Variants in TENM4 observed in about 807,000 individuals in gnomAD.
TENM4 encodes the protein teneurin-4.
A neutral mutation model predicts 243.3 loss-of-function variants in TENM4; 82 were observed. The observed-to-expected ratio is 0.34, with a 90% CI of 0.28 to 0.40. TENM4 has a LOEUF of 0.40. Among genes scored for constraint, TENM4 ranks in the 10% least tolerant of loss-of-function variants. TENM4 has a pLI of 1.00. For synonymous variants in TENM4, 1,412 were observed against 1,456.3 expected (o/e 0.97, Z 0.69); for missense variants, 3,138 against 3,673.3 (o/e 0.85, Z 3.77).
At chr11:78,933,033 T>C (rs1203888375) in intron 6 of TENM4, among the ~76,000 whole-genome samples, 1 of 152,152 alleles carries the variant, frequency 6.6e-6, no homozygotes, top group Non-Finnish European at 1.5e-5. Context: ...GGGAGATTGA[T>C]GTACCCTGGA....
At chr11:79,067,112 G>C (rs962626735) in intron 5 of TENM4, among the ~76,000 whole-genome samples, 1 of 152,172 alleles carries the variant, frequency 6.6e-6, no homozygotes, top group Non-Finnish European at 1.5e-5. Context: ...TAAACAAAGG[G>C]TTAATGTCCG....
At chr11:79,304,803 G>A (rs1442997129) in intron 1 of TENM4, among the ~76,000 whole-genome samples, 1 of 152,162 alleles carries the variant, frequency 6.6e-6, no homozygotes, top group African/African-American at 2.4e-5. Context: ...CGCTGCAGGT[G>A]CTCCCCAGCT....
intron 1 of TENM4, among the ~76,000 whole-genome samples, chr11:79,391,722 T>C (rs995461732): frequency 6.6e-6 from 1 of 152,222 alleles, no homozygotes; most frequent in South Asian, 2.1e-4. Flanking sequence ...TGGCTTTGAT[T>C]ATGGAGCACA....
intron 6 of TENM4, among the ~76,000 whole-genome samples, chr11:78,969,744 AC>A (rs1857503749): frequency 6.6e-6 from 1 of 152,176 alleles, no homozygotes; most frequent in Non-Finnish European, 1.5e-5. Flanking sequence ...CAGGGAAGGC[AC>A]TTTTTTCCCT....
intron 6 of TENM4, among the ~76,000 whole-genome samples, chr11:78,906,299 A>G (rs1360230763): frequency 6.6e-6 from 1 of 152,212 alleles, no homozygotes; most frequent in Non-Finnish European, 1.5e-5. Flanking sequence ...CATAAACACA[A>G]AAGCCAAATT....
intron 6 of TENM4, among the ~76,000 whole-genome samples, chr11:79,023,508 G>A (rs1390843987): frequency 1.3e-5 from 2 of 149,192 alleles, no homozygotes; most frequent in Admixed American, 6.7e-5. Context: ...GTTGTGGTGA[G>A]CCAAGATCAT....
At chr11:79,131,363 G>C (rs140891329) in intron 4 of TENM4, among the ~76,000 whole-genome samples, 1 of 152,144 alleles carries the variant, frequency 6.6e-6, no homozygotes, top group Non-Finnish European at 1.5e-5. Context: ...GAAGGGACTG[G>C]GGCTCTATCT....
At chr11:78,852,237 AT>A (rs1410276033) in intron 12 of TENM4, among the ~76,000 whole-genome samples, 1 of 152,182 alleles carries the variant, frequency 6.6e-6, no homozygotes, top group East Asian at 1.9e-4. Flanking sequence ...CACCTCCTTC[AT>A]TTTGCCAAGA....
intron 2 of TENM4, among the ~76,000 whole-genome samples, chr11:79,270,753 G>A (rs980307310): frequency 1.3e-5 from 2 of 152,162 alleles, no homozygotes; most frequent in African/African-American, 4.8e-5. Flanking sequence ...AGCCCACCAT[G>A]ACTCCTCCCA....
chr11:78,860,399 C>G (rs973216900), intron 10 of TENM4, among the ~76,000 whole-genome samples: 2 of 152,196 alleles, frequency 1.3e-5, no homozygotes, highest in Non-Finnish European at 2.9e-5. Flanking sequence ...GATTAACATC[C>G]TATACTGTCT....
intron 4 of TENM4, among the ~76,000 whole-genome samples, chr11:79,130,639 TG>T (rs1354011837): frequency 1.3e-5 from 2 of 152,020 alleles, no homozygotes; most frequent in African/African-American, 4.8e-5. Flanking sequence ...CTGGCTAACA[TG>T]GTGAAACACC....
intron 2 of TENM4, among the ~76,000 whole-genome samples, chr11:79,242,177 A>G (rs1327045862): frequency 1.3e-5 from 2 of 152,070 alleles, no homozygotes; most frequent in Non-Finnish European, 2.9e-5. Context: ...TGCTTTATTT[A>G]TTTTGATTTG....
chr11:79,035,402 T>G (rs906514899), intron 6 of TENM4, among the ~76,000 whole-genome samples: 1 of 152,250 alleles, frequency 6.6e-6, no homozygotes, highest in African/African-American at 2.4e-5. Flanking sequence ...TACAGCTCTG[T>G]GTCACTCTGC....
At chr11:78,936,522 C>T (rs920570641) in intron 6 of TENM4, among the ~76,000 whole-genome samples, 2 of 152,156 alleles carry the variant, frequency 1.3e-5, no homozygotes, top group Admixed American at 6.5e-5. Context: ...AAGTATAATG[C>T]TAATCACTGG....
intron 2 of TENM4, among the ~76,000 whole-genome samples, chr11:79,256,322 C>T (rs914296623): frequency 2.0e-5 from 3 of 152,220 alleles, no homozygotes; most frequent in Non-Finnish European, 2.9e-5. Flanking sequence ...CAACCCTCCT[C>T]AGTTACTCCA....
chr11:78,903,471 C>G lies in TENM4; in HGVS notation c.546G>C (p.Pro182=). ...GGTTGGGGGTGTGGGCGTGCGAGAG[C>G]GGCGGCGGCGGCGTCCGGAGCCGCG... is the stretch of plus-strand genomic sequence containing the variant. ...NHARLRTPPP[P]LSHAHTPNQH... is the part of the protein sequence containing the mutation. Residue 182 remains proline (P), a synonymous_variant, in exon 7 of 34, where the codon CCG becomes CCC. Transcript: ENST00000278550. 1 of 1,542,974 alleles carries G rather than the reference C, an allele frequency of 6.5e-7. No individual in the cohort carries two copies. The highest frequency in any genetic ancestry group is 1.2e-5 in the South Asian group (1 of 83,530).
chr11:78,918,002 A>G (rs115943752), intron 6 of TENM4, among the ~76,000 whole-genome samples: 2,062 of 152,320 alleles, frequency 0.014, 42 homozygotes, highest in African/African-American at 0.046. Context: ...TGTTATCTCT[A>G]TCTTCCAGAA....
chr11:79,248,015 C>T (rs1474807771), intron 2 of TENM4, among the ~76,000 whole-genome samples: 2 of 152,170 alleles, frequency 1.3e-5, no homozygotes, highest in Non-Finnish European at 2.9e-5. Flanking sequence ...CCTCTGGTCC[C>T]TTATAAACAC....
At chr11:79,061,192 T>G (rs1233444149) in intron 6 of TENM4, among the ~76,000 whole-genome samples, 3 of 152,104 alleles carry the variant, frequency 2.0e-5, no homozygotes, top group Admixed American at 2.0e-4. Context: ...ACCTAATCAG[T>G]GAATAAAAGG....
Sources: gnomAD v4.1 joint callset for allele counts (sites outside exome capture counted in the v4.1 genomes callset) on GRCh38, gnomAD v4.1.1 for gene constraint, MANE v1.5 for transcripts, NCBI Gene and HGNC (gene_info 2026-07-23, HGNC 2026-07-21) for gene names.